EXOSC10: variants seen among roughly 807,000 people sequenced by gnomAD.
The protein encoded by EXOSC10 is exosome component 10, also known as exosome complex component 10.
In EXOSC10, 94 loss-of-function variants were observed where a neutral mutation model predicts 126.6. That is an observed-to-expected ratio of 0.74 (90% CI 0.63 to 0.88). The LOEUF (loss-of-function observed/expected upper bound fraction) is 0.88. EXOSC10 is among the 40% of genes least tolerant of loss of function. EXOSC10 has a pLI of 0.00. For synonymous variants in EXOSC10, 395 were observed against 400.8 expected (o/e 0.99, Z 0.17); for missense variants, 1,041 against 1,100.5 (o/e 0.95, Z 0.77).
chr1:11,083,735 T>C (rs1286860850), intron 9 of EXOSC10, among the ~76,000 whole-genome samples: 2 of 152,070 alleles, frequency 1.3e-5, no homozygotes, highest in African/African-American at 4.8e-5. Context: ...CACTAACTCA[T>C]CATCTAGCAT....
chr1:11,098,305 C>T (rs1641229872), intron 1 of EXOSC10, 149 bp from the exon 2 acceptor site: 2 of 978,520 alleles, frequency 2.0e-6, no homozygotes, highest in East Asian at 5.7e-5. Flanking sequence ...CTAATCTAGG[C>T]CCTGAGAATA....
At chr1:11,087,065 T>A (rs1200015213) in intron 9 of EXOSC10, among the ~76,000 whole-genome samples, 2 of 152,248 alleles carry the variant, frequency 1.3e-5, no homozygotes, top group African/African-American at 4.8e-5. Flanking sequence ...CAGTTTTAAA[T>A]GTTTCTTTTG....
Position 11,080,493 on chromosome 1 carries a change from A to G in EXOSC10, c.1637+6T>C. ...TCAGAACATATTAATCAGATTTGAA[A>G]CTCACTTAGGCAGTTCTTCAGCTAT... On this transcript the variant is annotated splice_donor_region_variant and intron_variant, in intron 13 of 24. Transcript: ENST00000376936. 6.2e-7 allele frequency: 1 copy of G among 1,613,122 alleles called. No homozygotes were observed. The highest frequency in any genetic ancestry group is 8.5e-7 in the Non-Finnish European group (1 of 1,179,802).
intron 9 of EXOSC10, among the ~76,000 whole-genome samples, chr1:11,083,551 A>G (rs1217557605): frequency 6.9e-6 from 1 of 144,610 alleles, no homozygotes; most frequent in Admixed American, 7.1e-5. Flanking sequence ...AACAAGAGCA[A>G]AACTCCGTCT....
At chr1:11,098,234 T>C in intron 1 of EXOSC10, 78 bp from the exon 2 acceptor site, 1 of 1,479,146 alleles carries the variant, frequency 6.8e-7, no homozygotes, top group Non-Finnish European at 9.0e-7. Context: ...TGATCTATCG[T>C]ATACAAGGTA....
rs1639141485 is a variant in EXOSC10 at position 11,067,160 on chromosome 1, G to A, written c.2628-412C>T. On this transcript the variant is annotated intron_variant, in intron 24 of 24. Coordinates refer to ENST00000376936, the MANE Select transcript of EXOSC10 (RefSeq NM_001001998.3). ...AAAAATACAAAAACAGGCCGGGCGC[G>A]GTGGCTCACGCCTGTAACCCCAGCA... Among the ~76,000 whole-genome samples, 8 of 152,090 alleles carry A rather than the reference G, an allele frequency of 5.3e-5. No individual in the cohort carries two copies. The South Asian group carries it at 1.2e-3, about 24-fold the overall frequency.
chr1:11,086,101 G>T (rs1422006330), intron 9 of EXOSC10, among the ~76,000 whole-genome samples: 38 of 150,782 alleles, frequency 2.5e-4, no homozygotes, highest in Non-Finnish European at 4.9e-4. Context: ...TTGTGTCTCT[G>T]CCCGGCTTTG....
At chr1:11,095,735 A>G in intron 3 of EXOSC10, 23 bp downstream of exon 3, 1 of 1,610,898 alleles carries the variant, frequency 6.2e-7, no homozygotes, top group Non-Finnish European at 8.5e-7. Flanking sequence ...AAAACAAAAA[A>G]AAGAGTAAGG....
intron 9 of EXOSC10, among the ~76,000 whole-genome samples, chr1:11,084,167 G>A (rs1640356511): frequency 6.6e-6 from 1 of 152,100 alleles, no homozygotes; most frequent in South Asian, 2.1e-4. Flanking sequence ...TGGGTCAAAT[G>A]GTATTTCTAG....
chr1:11,092,535 TGA>T (rs1170881246), intron 3 of EXOSC10, among the ~76,000 whole-genome samples: 3 of 147,704 alleles, frequency 2.0e-5, no homozygotes, highest in African/African-American at 7.7e-5. Context: ...TTTTTTTTTT[TGA>T]GAGGGAGTCT....
chr1:11,085,794 C>T (rs1640461974), intron 9 of EXOSC10, among the ~76,000 whole-genome samples: 1 of 150,976 alleles, frequency 6.6e-6, no homozygotes, highest in Non-Finnish European at 1.5e-5. Flanking sequence ...AGATACGTCC[C>T]ATCAATACCT....
chr1:11,089,117 G>A (rs1210311112), intron 6 of EXOSC10, among the ~76,000 whole-genome samples: 1 of 151,264 alleles, frequency 6.6e-6, no homozygotes, highest in Non-Finnish European at 1.5e-5. Flanking sequence ...TGTAGTCCCA[G>A]CTACTAGGGA....
chr1:11,074,767 T>C (rs1483795105), intron 17 of EXOSC10, among the ~76,000 whole-genome samples: 2 of 152,176 alleles, frequency 1.3e-5, no homozygotes, highest in African/African-American at 4.8e-5. Context: ...TCATACACTC[T>C]CTTATGTATA....
intron 3 of EXOSC10, 136 bp downstream of exon 3, chr1:11,095,622 G>T (rs931650353): frequency 1.5e-5 from 11 of 720,742 alleles, no homozygotes; most frequent in Non-Finnish European, 2.3e-5. Context: ...GCTGAGGCAG[G>T]AGAGTGTTGT....
intron 3 of EXOSC10, among the ~76,000 whole-genome samples, chr1:11,094,713 G>T (rs1640979267): frequency 6.6e-6 from 1 of 151,200 alleles, no homozygotes; most frequent in Admixed American, 6.6e-5. Flanking sequence ...CGATTCTCCT[G>T]CCTCAGCCTC....
intron 17 of EXOSC10, among the ~76,000 whole-genome samples, chr1:11,076,466 C>A (rs1486117151): frequency 6.6e-6 from 1 of 152,210 alleles, no homozygotes; most frequent in Non-Finnish European, 1.5e-5. Flanking sequence ...CCCATGCCAC[C>A]CCTGCTGGGC....
rs373873703 is a variant in EXOSC10, at chr1:11,090,528, A to C, written c.758+26T>G. 9.8e-5 allele frequency: 155 copies of C among 1,582,422 alleles called. No individual in the cohort carries two copies. The African/African-American group carries it at 1.9e-3, about 19-fold the overall frequency. On this transcript the variant is annotated intron_variant, in intron 6 of 24. Transcript: ENST00000376936. ...GCAAAAAGGTAAGTACTCACGGCAG[A>C]AAGTCAGACACAGGCCAACACTTAC...
Position 11,090,660 on chromosome 1 carries a change from TAG to T in EXOSC10, c.650_651del (p.Ser217Ter), listed in dbSNP as rs1194069084. The T allele has an allele frequency of 1.2e-6, 2 of 1,607,886 alleles. No individual in the cohort carries two copies. Among genetic ancestry groups the T allele is most frequent in the Admixed American group, 1.7e-5 (1 of 58,648 alleles). On this transcript the variant is annotated frameshift_variant, in exon 6 of 25. Transcript: ENST00000376936. LOFTEE classifies it high-confidence loss of function. ...NAQKPLPQAL[S>X]KERRERPQDR... ...TCCTGTGGGCGTTCCCGCCTTTCCT[TAG>T]AGAGAGCTGGGGATCCCAGCAGTGA... is the stretch of plus-strand genomic sequence containing the variant.
chr1:11,081,667 G>A (rs1640174454), intron 10 of EXOSC10, among the ~76,000 whole-genome samples: 1 of 152,244 alleles, frequency 6.6e-6, no homozygotes, highest in Non-Finnish European at 1.5e-5. Flanking sequence ...GAAGCACTTA[G>A]CCCAGAGCTT....
Sources: gnomAD v4.1 joint callset for allele counts (sites outside exome capture counted in the v4.1 genomes callset) on GRCh38, gnomAD v4.1.1 for gene constraint, MANE v1.5 for transcripts, NCBI Gene and HGNC (gene_info 2026-07-23, HGNC 2026-07-21) for gene names.